Variants in MALRD1 observed in about 807,000 individuals in gnomAD.
MALRD1 encodes the protein MAM and LDL receptor class A domain containing 1, also known as MAM and LDL-receptor class A domain-containing protein 1.
In MALRD1, 247 loss-of-function variants were observed where a neutral mutation model predicts 242.1. The observed-to-expected ratio is 1.02, with a 90% CI of 0.92 to 1.13. The LOEUF (loss-of-function observed/expected upper bound fraction) is 1.13. Among genes scored for constraint, MALRD1 ranks in the 50% most tolerant of loss-of-function variants. The probability of loss-of-function intolerance (pLI) is 0.00; values close to 1 mark genes in which losing one functional copy is unlikely to be tolerated. For missense variants in MALRD1, 2,989 were observed against 2,533.1 expected (o/e 1.18, Z -3.86); for synonymous variants, 995 against 866.6 (o/e 1.15, Z -2.60).
intron 33 of MALRD1, among the ~76,000 whole-genome samples, chr10:19,580,921 C>A (rs1372366802): frequency 6.6e-6 from 1 of 151,996 alleles, no homozygotes; most frequent in Admixed American, 6.6e-5. Context: ...CTCTCTGAGT[C>A]TTTAGTCAAA....
intron 36 of MALRD1, among the ~76,000 whole-genome samples, chr10:19,661,627 G>A (rs1474063901): frequency 6.6e-6 from 1 of 152,088 alleles, no homozygotes; most frequent in Non-Finnish European, 1.5e-5. Flanking sequence ...ACACACTGGG[G>A]CCTGTTGAGG....
intron 21 of MALRD1, among the ~76,000 whole-genome samples, chr10:19,321,549 A>G (rs1240768963): frequency 6.6e-6 from 1 of 152,204 alleles, no homozygotes; most frequent in Non-Finnish European, 1.5e-5. Flanking sequence ...AATTTAATAC[A>G]TTTAACTAAA....
chr10:19,428,648 C>T (rs1833996182), intron 28 of MALRD1, among the ~76,000 whole-genome samples: 1 of 151,810 alleles, frequency 6.6e-6, no homozygotes, highest in African/African-American at 2.4e-5. Context: ...TCACACACCC[C>T]TATCCAGAAA....
chr10:19,084,238 TAGAC>T (rs1161160449), intron 2 of MALRD1, among the ~76,000 whole-genome samples: 2 of 151,980 alleles, frequency 1.3e-5, no homozygotes, highest in African/African-American at 4.8e-5. Flanking sequence ...ATTTAATAAA[TAGAC>T]AGAAATTATC....
chr10:19,365,649 T>G (rs1845074746), intron 26 of MALRD1, among the ~76,000 whole-genome samples: 1 of 148,038 alleles, frequency 6.8e-6, no homozygotes, highest in African/African-American at 2.5e-5. Flanking sequence ...TTGACATGTT[T>G]TATAAATTCT....
rs1465229959 is a variant in MALRD1, at chr10:19,289,258, T to C, written c.3419+6077T>C. 3.3e-5 allele frequency among the ~76,000 whole-genome samples: 5 copies of C among 152,248 alleles called. No homozygotes were observed. In the East Asian group the frequency reaches 9.7e-4, roughly 29 times the overall value. On this transcript the variant is annotated intron_variant, in intron 21 of 39. Transcript: ENST00000454679. ...AGAAGTAGCAATGTGTCAAAAGCAA[T>C]AATTTGTATTTCCGTATTTCCTCTC...
intron 28 of MALRD1, among the ~76,000 whole-genome samples, chr10:19,435,865 A>C (rs984684602): frequency 6.6e-6 from 1 of 152,080 alleles, no homozygotes; most frequent in Non-Finnish European, 1.5e-5. Context: ...ATCATTTAGA[A>C]TTCTTTAGCA....
At chr10:19,598,508 A>G (rs1398312802) in intron 34 of MALRD1, 1 of 151,748 alleles carries the variant, frequency 6.6e-6, no homozygotes, top group Non-Finnish European at 1.5e-5. Flanking sequence ...CAAGTTTCTA[A>G]TTTGGACATC....
At chr10:19,348,147 G>A in intron 25 of MALRD1, 129 bp downstream of exon 25, 3 of 1,268,246 alleles carry the variant, frequency 2.4e-6, no homozygotes, top group Non-Finnish European at 3.2e-6. Flanking sequence ...TTCAACTTTG[G>A]ATATGTGAAG....
In MALRD1 at chr10:19,389,191, TTGA is replaced by T. The variant is rs1320082981; in HGVS notation, c.4688-258_4688-256del. On this transcript the variant is annotated intron_variant, in intron 27 of 39. Transcript: ENST00000454679. ...TAAAATAATTTTTGTAGCTATCTTG[TTGA>T]TGCGACGGCATAAATATCCCATCAG... is the stretch of plus-strand genomic sequence containing the variant. 7.3e-6 allele frequency: 4 copies of T among 550,700 alleles called. No individual in the cohort carries two copies. The Admixed American group carries it at 9.3e-5, about 13-fold the overall frequency. 34.1% of individuals were successfully genotyped at this position (550,700 alleles called of 1,614,324 possible).
chr10:19,373,078 A>G (rs1158441418), intron 26 of MALRD1, among the ~76,000 whole-genome samples: 1 of 151,912 alleles, frequency 6.6e-6, no homozygotes, highest in Non-Finnish European at 1.5e-5. Context: ...GAAAGTGTGA[A>G]TTTACACTTT....
At chr10:19,602,962 T>C (rs1361252807) in intron 34 of MALRD1, among the ~76,000 whole-genome samples, 1 of 152,208 alleles carries the variant, frequency 6.6e-6, no homozygotes, top group Non-Finnish European at 1.5e-5. Context: ...ATGAGCATTT[T>C]TTCATGTGTC....
At chr10:19,234,328 C>CT (rs978125298) in intron 18 of MALRD1, among the ~76,000 whole-genome samples, 1 of 151,920 alleles carries the variant, frequency 6.6e-6, no homozygotes, top group African/African-American at 2.4e-5. Flanking sequence ...ATACTCTCAT[C>CT]TTTTTTTATA....
intron 36 of MALRD1, among the ~76,000 whole-genome samples, chr10:19,629,989 G>A (rs1002215984): frequency 6.6e-6 from 1 of 152,156 alleles, no homozygotes; most frequent in Non-Finnish European, 1.5e-5. Context: ...GTAGAGAAAT[G>A]TTGACAGATC....
intron 38 of MALRD1, among the ~76,000 whole-genome samples, chr10:19,699,007 A>C (rs1000521044): frequency 1.1e-4 from 17 of 152,040 alleles, no homozygotes; most frequent in African/African-American, 4.1e-4. Context: ...ACACATGGAC[A>C]CAGGGAGGGG....
intron 8 of MALRD1, among the ~76,000 whole-genome samples, chr10:19,131,524 A>G (rs536085694): frequency 6.6e-6 from 1 of 152,286 alleles, no homozygotes; most frequent in African/African-American, 2.4e-5. Flanking sequence ...TGTTCTGTGT[A>G]GGGTTTCCAT....
At chr10:19,409,066 A>G (rs936845568) in intron 28 of MALRD1, among the ~76,000 whole-genome samples, 1 of 152,234 alleles carries the variant, frequency 6.6e-6, no homozygotes, top group African/African-American at 2.4e-5. Context: ...AACAGCCAAT[A>G]TCTAGAAACA....
chr10:19,150,827 C>T (rs913039286), intron 11 of MALRD1, among the ~76,000 whole-genome samples: 2 of 152,088 alleles, frequency 1.3e-5, no homozygotes, highest in Non-Finnish European at 2.9e-5. Context: ...TTTGGATATA[C>T]CATAATGTAT....
chr10:19,444,668 G>T (rs1834863092), intron 28 of MALRD1, among the ~76,000 whole-genome samples: 1 of 152,170 alleles, frequency 6.6e-6, no homozygotes, highest in African/African-American at 2.4e-5. Flanking sequence ...ACTTTCTGTG[G>T]AAAGATCCAT....
Sources: allele counts gnomAD v4.1 joint callset (sites outside exome capture counted in the v4.1 genomes callset), GRCh38; gene constraint gnomAD v4.1.1; transcripts MANE v1.5; gene names NCBI Gene and HGNC (gene_info 2026-07-23, HGNC 2026-07-21).